NFATC1: variants seen among roughly 807,000 people sequenced by gnomAD.
The protein encoded by NFATC1 is nuclear factor of activated T-cells, cytoplasmic 1.
A neutral mutation model predicts 76.0 loss-of-function variants in NFATC1; 22 were observed. That is an observed-to-expected ratio of 0.29 (90% CI 0.21 to 0.41). NFATC1 has a LOEUF of 0.41. NFATC1 is among the 10% of genes least tolerant of loss of function. The pLI is 1.00. For synonymous variants in NFATC1, 704 were observed against 613.1 expected, an observed-to-expected ratio of 1.15 and a Z score of -2.19; for missense variants, 1,357 against 1,337.7, an observed-to-expected ratio of 1.01 and a Z score of -0.23.
intron 3 of NFATC1, among the ~76,000 whole-genome samples, chr18:79,436,962 G>A (rs902256460): frequency 6.6e-5 from 10 of 152,222 alleles, no homozygotes; most frequent in Non-Finnish European, 1.2e-4. Context: ...TGATCACACC[G>A]TCCGCACCCT....
At chr18:79,415,351 C>T (rs530458240) in intron 2 of NFATC1, among the ~76,000 whole-genome samples, 9 of 152,264 alleles carry the variant, frequency 5.9e-5, no homozygotes, top group East Asian at 1.9e-4. Flanking sequence ...GGCACAATCT[C>T]GGCTCACTGC....
chr18:79,522,509 G>A (rs1340465482), intron 9 of NFATC1, among the ~76,000 whole-genome samples: 1 of 108,716 alleles, frequency 9.2e-6, no homozygotes, highest in African/African-American at 3.4e-5. Flanking sequence ...TGTTTTGTGT[G>A]GGGGGGGTGC....
intron 3 of NFATC1, among the ~76,000 whole-genome samples, chr18:79,437,380 C>T (rs2086817171): frequency 6.6e-6 from 1 of 152,170 alleles, no homozygotes; most frequent in Admixed American, 6.5e-5. Flanking sequence ...ACCAGCAGCG[C>T]AGCCAGCCTC....
chr18:79,398,267 C>T (rs571411843), intron 1 of NFATC1, among the ~76,000 whole-genome samples: 3 of 152,352 alleles, frequency 2.0e-5, no homozygotes, highest in East Asian at 1.9e-4. Flanking sequence ...CAATGCCCCA[C>T]GGGCTGGGGC....
intron 9 of NFATC1, among the ~76,000 whole-genome samples, chr18:79,517,582 A>C (rs1206247774): frequency 1.3e-5 from 2 of 152,208 alleles, no homozygotes; most frequent in African/African-American, 4.8e-5. Context: ...TGGCATCACG[A>C]CGGCCTTTTT....
At chr18:79,408,905 A>G (rs1286886700) in intron 1 of NFATC1, among the ~76,000 whole-genome samples, 4 of 147,374 alleles carry the variant, frequency 2.7e-5, no homozygotes, top group South Asian at 2.2e-4. Context: ...TCATCCATCC[A>G]TCATCATCCA....
At chr18:79,439,649 G>C (rs908118372) in intron 3 of NFATC1, among the ~76,000 whole-genome samples, 2 of 152,248 alleles carry the variant, frequency 1.3e-5, no homozygotes, top group Non-Finnish European at 2.9e-5. Context: ...GCAGCTGGGA[G>C]AGCACACATG....
At chr18:79,511,379 C>T (rs762998700) in intron 9 of NFATC1, among the ~76,000 whole-genome samples, 17 of 152,170 alleles carry the variant, frequency 1.1e-4, no homozygotes, top group Non-Finnish European at 1.6e-4. Flanking sequence ...GGTGCGTTGT[C>T]TCCGTACCTC....
intron 3 of NFATC1, among the ~76,000 whole-genome samples, chr18:79,436,556 C>T (rs1192654016): frequency 6.6e-6 from 1 of 152,182 alleles, no homozygotes; most frequent in African/African-American, 2.4e-5. Context: ...TCCTCCCACG[C>T]CCGCTGTCTC....
Position 79,461,409 on chromosome 18 carries a change from G to A in NFATC1, c.1959+43G>A, listed in dbSNP as rs11665172. On this transcript the variant is annotated intron_variant, in intron 7 of 9. Transcript: ENST00000427363. ...AGCTGGAGCTACTGTGGGTCCCCAG[G>A]GCTTGGGAGGCTGGGGTCTGCTGGA... 1.2e-5 allele frequency: 16 copies of A among 1,294,986 alleles called. No individual in the cohort carries two copies. In the East Asian group the frequency reaches 5.4e-4, roughly 44 times the overall value. 80.2% of individuals were successfully genotyped at this position (1,294,986 alleles called of 1,614,324 possible). A position where few individuals can be genotyped will look rare whatever the true frequency, so the allele number is the denominator to read the frequency against.
At chr18:79,429,989 G>A (rs1386046237) in intron 2 of NFATC1, among the ~76,000 whole-genome samples, 7 of 152,312 alleles carry the variant, frequency 4.6e-5, no homozygotes, top group African/African-American at 1.7e-4. Context: ...AGTCACCCAC[G>A]GTGTTCAGTG....
At chr18:79,429,415 A>C (rs1001552654) in intron 2 of NFATC1, among the ~76,000 whole-genome samples, 4 of 152,090 alleles carry the variant, frequency 2.6e-5, no homozygotes, top group African/African-American at 9.7e-5. Flanking sequence ...TTTTTTAAAA[A>C]ATTGACTTAT....
chr18:79,488,298 T>TTGTGTGTGTGTGTGTGTG (rs3222211), intron 9 of NFATC1, among the ~76,000 whole-genome samples: 3 of 141,010 alleles, frequency 2.1e-5, no homozygotes, highest in African/African-American at 9.0e-5. Context: ...GCAGCCCTGG[T>TTGTGTGTGTGTGTGTGTG]TGTGTGTGTG....
At chr18:79,448,447 G>C (rs889510887) in intron 3 of NFATC1, 1 of 344,982 alleles carries the variant, frequency 2.9e-6, no homozygotes, top group Non-Finnish European at 5.3e-6. Flanking sequence ...TTGGTGAAGC[G>C]AGCCTTGCAC....
At chr18:79,515,907 C>T (rs2090370519) in intron 9 of NFATC1, 1 of 151,880 alleles carries the variant, frequency 6.6e-6, no homozygotes, top group Non-Finnish European at 1.5e-5. Context: ...TGGAAAACTG[C>T]AAGTGGTGGT....
At chr18:79,433,878 T>A (rs1005628063) in intron 3 of NFATC1, 140 bp downstream of exon 3, 1 of 970,432 alleles carries the variant, frequency 1.0e-6, no homozygotes, top group African/African-American at 1.7e-5. Flanking sequence ...GGGCGGCTGC[T>A]CACCGCCTCT....
rs779770981 is a variant in NFATC1 at position 79,409,351 on chromosome 18, TC to T, written c.128-1050del. On this transcript the variant is annotated intron_variant, in intron 1 of 9. Transcript: ENST00000427363. ...ATTCATTCATCCATCCATCCATCCA[TC>T]CATCATCATTCATCCATCCATCCAT... Among the ~76,000 whole-genome samples, 7 of 142,644 alleles carry T rather than the reference TC, an allele frequency of 4.9e-5. No homozygotes were observed. In the South Asian group the frequency reaches 1.6e-3, roughly 33 times the overall value. The allele number at this position is 142,644 out of a possible 152,430, so 93.6% of individuals were successfully genotyped here.
chr18:79,403,097 G>C (rs2148146436), intron 1 of NFATC1, among the ~76,000 whole-genome samples: 1 of 152,380 alleles, frequency 6.6e-6, no homozygotes, highest in South Asian at 2.1e-4. Context: ...GCTGAGGTCA[G>C]TGTACCGGGG....
At chr18:79,426,139 C>A (rs758053506) in intron 2 of NFATC1, among the ~76,000 whole-genome samples, 1 of 152,118 alleles carries the variant, frequency 6.6e-6, no homozygotes. Context: ...GAGGCCACTG[C>A]ACTCTAGCCT....
Sources: allele counts gnomAD v4.1 joint callset (sites outside exome capture counted in the v4.1 genomes callset), GRCh38; gene constraint gnomAD v4.1.1; transcripts MANE v1.5; gene names NCBI Gene and HGNC (gene_info 2026-07-23, HGNC 2026-07-21).